The following RALYL variants were observed in gnomAD, a reference collection of about 807,000 sequenced individuals.
RALYL encodes RNA-binding Raly-like protein.
A neutral mutation model predicts 35.1 loss-of-function variants in RALYL; 29 were observed. The ratio of observed to expected loss-of-function variants is 0.83; its 90% confidence interval spans 0.61 to 1.13. The LOEUF (loss-of-function observed/expected upper bound fraction) is 1.13, where lower values mean the gene tolerates loss of function less well. Among genes scored for constraint, RALYL ranks in the 50% most tolerant of loss-of-function variants. The probability of loss-of-function intolerance (pLI) is 0.00; values close to 1 mark genes in which losing one functional copy is unlikely to be tolerated. For synonymous variants in RALYL, 120 were observed against 127.6 expected, an observed-to-expected ratio of 0.94 and a Z score of 0.40; for missense variants, 359 against 360.4, an observed-to-expected ratio of 1.00 and a Z score of 0.03.
At chr8:84,845,010 CTAA>C (rs1364796230) in intron 4 of RALYL, among the ~76,000 whole-genome samples, 1 of 151,968 alleles carries the variant, frequency 6.6e-6, no homozygotes, top group Non-Finnish European at 1.5e-5. Context: ...GGAGATATAC[CTAA>C]TGTTAAATGA....
chr8:84,754,463 T>C (rs772309520), intron 2 of RALYL, among the ~76,000 whole-genome samples: 2 of 152,200 alleles, frequency 1.3e-5, no homozygotes, highest in Non-Finnish European at 2.9e-5. Flanking sequence ...CTTTGCCCTC[T>C]CCTCAGTTTC....
chr8:84,266,411 C>A (rs1238579704), intron 1 of RALYL, among the ~76,000 whole-genome samples: 2 of 152,144 alleles, frequency 1.3e-5, no homozygotes, highest in Non-Finnish European at 2.9e-5. Flanking sequence ...GAGAATGAGA[C>A]CAATGAAATC....
chr8:84,443,895 G>T (rs763588567), intron 1 of RALYL, among the ~76,000 whole-genome samples: 33 of 152,104 alleles, frequency 2.2e-4, no homozygotes, highest in Non-Finnish European at 4.1e-4. Flanking sequence ...GCAGCAAAAT[G>T]GTAGAGAACA....
At chr8:84,697,368 T>C (rs1032665478) in intron 2 of RALYL, among the ~76,000 whole-genome samples, 1 of 152,058 alleles carries the variant, frequency 6.6e-6, no homozygotes, top group African/African-American at 2.4e-5. Context: ...TGTTTGGTTA[T>C]GTGTGTGTAT....
chr8:84,906,767 C>T (rs1002155784), intron 8 of RALYL, among the ~76,000 whole-genome samples: 6 of 152,068 alleles, frequency 3.9e-5, no homozygotes, highest in African/African-American at 1.2e-4. Flanking sequence ...AAGAGGCATC[C>T]TCTAGCTCAG....
At chr8:84,502,600 G>A (rs1490701705) in intron 1 of RALYL, among the ~76,000 whole-genome samples, 1 of 151,946 alleles carries the variant, frequency 6.6e-6, no homozygotes, top group Non-Finnish European at 1.5e-5. Flanking sequence ...AAATTGGAAA[G>A]AAAATATGAC....
chr8:84,759,634 C>T (rs2133345118), intron 2 of RALYL, among the ~76,000 whole-genome samples: 1 of 152,242 alleles, frequency 6.6e-6, no homozygotes, highest in South Asian at 2.1e-4. Context: ...CTGAGTTTTG[C>T]TAGAATACTG....
At chr8:84,197,045 A>T (rs1815476813) in intron 1 of RALYL, among the ~76,000 whole-genome samples, 1 of 152,186 alleles carries the variant, frequency 6.6e-6, no homozygotes, top group Admixed American at 6.5e-5. Flanking sequence ...TTTGCCTAAC[A>T]CCTAATTTAA....
intron 2 of RALYL, among the ~76,000 whole-genome samples, chr8:84,585,247 C>G (rs1811730729): frequency 6.6e-6 from 1 of 152,020 alleles, no homozygotes. Flanking sequence ...ATGCATTAAC[C>G]TTCTTTCTCT....
intron 1 of RALYL, among the ~76,000 whole-genome samples, chr8:84,391,972 G>A (rs1389627059): frequency 1.3e-5 from 2 of 151,976 alleles, no homozygotes; most frequent in African/African-American, 4.8e-5. Context: ...TTGGATGACT[G>A]CATTTTCCTT....
At chr8:84,754,324 AT>A (rs911544420) in intron 2 of RALYL, among the ~76,000 whole-genome samples, 1 of 152,146 alleles carries the variant, frequency 6.6e-6, no homozygotes, top group Non-Finnish European at 1.5e-5. Flanking sequence ...ATTGCTACCA[AT>A]TACAATTTTC....
intron 1 of RALYL, among the ~76,000 whole-genome samples, chr8:84,372,886 G>GTTTTTTTTTTTTGTTTTGTTTTTTT (rs1856070671): frequency 2.6e-5 from 1 of 39,064 alleles, no homozygotes; most frequent in Non-Finnish European, 4.5e-5. Context: ...GCCAGCATCT[G>GTTTTTTTTTTTTGTTTTGTTTTTTT]TTTTTTTTTT....
intron 6 of RALYL, chr8:84,872,458 A>G (rs1840377733): frequency 6.6e-6 from 1 of 152,212 alleles, no homozygotes; most frequent in Admixed American, 6.5e-5. Context: ...TCTTCGAAAT[A>G]TGAGATTGTT....
chr8:84,384,409 C>T (rs1858710252), intron 1 of RALYL, among the ~76,000 whole-genome samples: 2 of 151,654 alleles, frequency 1.3e-5, no homozygotes. Context: ...AGAGCATGTC[C>T]CACAAGATTT....
chr8:84,470,417 GT>G (rs1486443355), intron 1 of RALYL, among the ~76,000 whole-genome samples: 1 of 151,072 alleles, frequency 6.6e-6, no homozygotes, highest in Admixed American at 6.6e-5. Flanking sequence ...ACAGGAGGTG[GT>G]TTTCTTGAAA....
chr8:84,816,046 A>G (rs946483591), intron 4 of RALYL, among the ~76,000 whole-genome samples: 21 of 151,240 alleles, frequency 1.4e-4, no homozygotes, highest in East Asian at 9.7e-4. Context: ...AAAAAAAAAA[A>G]AAAAAAGAAA....
intron 1 of RALYL, chr8:84,185,113 T>A (rs953701480): frequency 8.0e-7 from 1 of 1,247,440 alleles, no homozygotes; most frequent in African/African-American, 1.5e-5. Flanking sequence ...TGCGTTGGTT[T>A]TAAGTGCCTG....
chr8:84,684,763 G>A (rs911070090), intron 2 of RALYL, among the ~76,000 whole-genome samples: 3 of 152,142 alleles, frequency 2.0e-5, no homozygotes. Context: ...GCCATACATG[G>A]CATATATGCA....
At chr8:84,434,255 C>A (rs945098282) in intron 1 of RALYL, among the ~76,000 whole-genome samples, 1 of 152,030 alleles carries the variant, frequency 6.6e-6, no homozygotes, top group Non-Finnish European at 1.5e-5. Flanking sequence ...ACCCTAATGA[C>A]CTCATTTTAA....
Sources: gnomAD v4.1 joint callset for allele counts (sites outside exome capture counted in the v4.1 genomes callset) on GRCh38, gnomAD v4.1.1 for gene constraint, MANE v1.5 for transcripts, NCBI Gene and HGNC (gene_info 2026-07-23, HGNC 2026-07-21) for gene names.